Variants in CDK11A observed in about 807,000 individuals in gnomAD.
CDK11A encodes the protein cyclin dependent kinase 11A.
A neutral mutation model predicts 83.6 loss-of-function variants in CDK11A; 55 were observed. The ratio of observed to expected loss-of-function variants is 0.66; its 90% CI spans 0.53 to 0.82. The LOEUF (loss-of-function observed/expected upper bound fraction) is 0.82, where lower values mean the gene tolerates loss of function less well. Ranked by LOEUF, CDK11A falls within the 40% of genes least tolerant of loss-of-function variation. The pLI, the probability that CDK11A is intolerant of heterozygous loss-of-function variation, is 0.00. For synonymous variants in CDK11A, 247 were observed against 302.7 expected (o/e 0.82, Z 1.91); for missense variants, 564 against 810.1 (o/e 0.70, Z 3.69).
chr1:1,713,970 A>G lies in CDK11A; in HGVS notation c.489-1570T>C, dbSNP rs1471039222. ...ATGGTTCTTCTCTCTAAGCAGCTTGAGTATGCCACTCCACTGCCTTCTGGC... is the reference window on the plus strand; with the variant it reads ...ATGGTTCTTCTCTCTAAGCAGCTTGGGTATGCCACTCCACTGCCTTCTGGC... On this transcript the variant is annotated intron_variant, in intron 5 of 19. Coordinates refer to ENST00000404249, the MANE Select transcript of CDK11A (RefSeq NM_024011.4). Among the ~76,000 whole-genome samples, 2 of 41,280 alleles carry G rather than the reference A, an allele frequency of 4.8e-5. 1 individual carries two copies. Among genetic ancestry groups the G allele is most frequent in the African/African-American group, 7.8e-5 (2 of 25,552 alleles). The allele number at this position is 41,280 out of a possible 152,430, so 27.1% of individuals were successfully genotyped here. A position where few individuals can be genotyped will look rare whatever the true frequency, so the allele number is the denominator to read the frequency against.
intron 3 of CDK11A, among the ~76,000 whole-genome samples, chr1:1,720,254 C>T (rs904393951): frequency 3.3e-5 from 5 of 150,150 alleles, no homozygotes; most frequent in African/African-American, 4.9e-5. Flanking sequence ...ACCACCACGC[C>T]CGGCTAATTT....
chr1:1,704,870 C>CA lies in CDK11A; in HGVS notation c.1458+33dup, dbSNP rs567558972. ...ACGGGGCCCTGTCGGAAAAGCCTTCCACCCGGGGCCAGGCGTGGTGGGGCC... is the reference window on the plus strand; with the variant it reads ...ACGGGGCCCTGTCGGAAAAGCCTTCCAACCCGGGGCCAGGCGTGGTGGGGCC... On this transcript the variant is annotated intron_variant, in intron 13 of 19. Coordinates refer to ENST00000404249, the MANE Select transcript of CDK11A (RefSeq NM_024011.4). 3.1e-3 allele frequency: 4,953 copies of CA among 1,607,160 alleles called. 225 individuals carry two copies. The highest frequency in any genetic ancestry group is 3.8e-3 in the Non-Finnish European group (4,475 of 1,176,288).
chr1:1,708,428 G>GTCAGGAGT (rs1644403755), intron 9 of CDK11A, among the ~76,000 whole-genome samples, 183 bp from the exon 10 acceptor site: 1 of 149,274 alleles, frequency 6.7e-6, no homozygotes, highest in Non-Finnish European at 1.5e-5. Flanking sequence ...ATCACCTGAG[G>GTCAGGAGT]TCAGGAGTTC....
intron 3 of CDK11A, among the ~76,000 whole-genome samples, chr1:1,720,060 C>T (rs1644845771): frequency 6.6e-6 from 1 of 150,854 alleles, no homozygotes; most frequent in South Asian, 2.1e-4. Context: ...TGTAAAAATA[C>T]ATCACATCTT....
At chr1:1,721,464 G>A in intron 3 of CDK11A, 132 bp downstream of exon 3, 2 of 1,037,780 alleles carry the variant, frequency 1.9e-6, no homozygotes, top group Non-Finnish European at 2.7e-6. Context: ...AACACGCCCT[G>A]TCACGGTAAC....
chr1:1,706,474 G>C (rs1166014719), intron 11 of CDK11A, among the ~76,000 whole-genome samples: 1 of 151,284 alleles, frequency 6.6e-6, no homozygotes, highest in Non-Finnish European at 1.5e-5. Context: ...GTTTGAGCCT[G>C]GGAGGTGGAG....
At chr1:1,721,459 G>T in intron 3 of CDK11A, 137 bp downstream of exon 3, 1 of 946,056 alleles carries the variant, frequency 1.1e-6, no homozygotes, top group Non-Finnish European at 1.5e-6. Flanking sequence ...GCTACAACAC[G>T]CCCTGTCACG....
At position 1,704,763 on chromosome 1, in the gene CDK11A, G is replaced by A. The variant is rs147092243; in HGVS notation, c.1459-108C>T. The A allele has an allele frequency of 4.0e-3, 6,453 of 1,598,934 alleles. 385 individuals carry two copies. In the African/African-American group the frequency reaches 0.074, roughly 18 times the overall value. On this transcript the variant is annotated intron_variant, in intron 13 of 19. Transcript: ENST00000404249. ...TAAGGACCTCCGGTGCCACCCGGGAGGCAAATACTTGCTTCTGTGTGGTCT... is the reference window on the plus strand; with the variant it reads ...TAAGGACCTCCGGTGCCACCCGGGAAGCAAATACTTGCTTCTGTGTGGTCT...
chr1:1,719,478 T>G, intron 3 of CDK11A, 23 bp from the exon 4 acceptor site: 3 of 1,419,450 alleles, frequency 2.1e-6, no homozygotes, highest in Non-Finnish European at 2.8e-6. Context: ...ACAACAGCAC[T>G]GCGTCATGCT....
At chr1:1,706,566 G>A (rs17162876) in intron 11 of CDK11A, among the ~76,000 whole-genome samples, 2 of 150,660 alleles carry the variant, frequency 1.3e-5, no homozygotes, top group Admixed American at 6.6e-5. Flanking sequence ...AAGGCCATCC[G>A]GAGAGTCTCT....
chr1:1,718,756 C>G (rs2101315840), intron 4 of CDK11A, among the ~76,000 whole-genome samples: 1 of 150,564 alleles, frequency 6.6e-6, no homozygotes, highest in South Asian at 2.1e-4. Flanking sequence ...CCTGCCTCAG[C>G]CTCCAGAGCA....
rs376730176 is a variant in CDK11A at position 1,704,885 on chromosome 1, G to A, written c.1458+19C>T. On this transcript the variant is annotated intron_variant, in intron 13 of 19. Transcript: ENST00000404249. ...AAAAGCCTTCCACCCGGGGCCAGGCGTGGTGGGGCCATGCTCACTCTAACG... is the reference window on the plus strand; with the variant it reads ...AAAAGCCTTCCACCCGGGGCCAGGCATGGTGGGGCCATGCTCACTCTAACG... 7.0e-5 allele frequency: 112 copies of A among 1,606,104 alleles called. 7 individuals are homozygous for A. The highest frequency in any genetic ancestry group is 5.0e-4 in the Middle Eastern group (3 of 5,978).
At chr1:1,706,067 ACTCT>A (rs1390249757) in intron 11 of CDK11A, among the ~76,000 whole-genome samples, 2 of 149,692 alleles carry the variant, frequency 1.3e-5, no homozygotes, top group African/African-American at 2.5e-5. Flanking sequence ...ACATAGCAAC[ACTCT>A]GTTTTCTTTT....
At chr1:1,716,142 C>G (rs558543028) in intron 5 of CDK11A, among the ~76,000 whole-genome samples, 1 of 150,824 alleles carries the variant, frequency 6.6e-6, no homozygotes, top group Non-Finnish European at 1.5e-5. Flanking sequence ...AAATCACACC[C>G]GTTCTTACTT....
At chr1:1,722,510 G>C in intron 2 of CDK11A, 198 bp downstream of exon 2, 1 of 580,656 alleles carries the variant, frequency 1.7e-6, no homozygotes, top group Admixed American at 3.3e-5. Flanking sequence ...CTCCATGTAT[G>C]CTCAATCTAG....
intron 3 of CDK11A, among the ~76,000 whole-genome samples, chr1:1,720,155 G>A (rs1294455686): frequency 1.3e-5 from 2 of 150,316 alleles, no homozygotes; most frequent in East Asian, 2.0e-4. Flanking sequence ...GGGCAGTGGC[G>A]AGACTCTCGG....
intron 1 of CDK11A, among the ~76,000 whole-genome samples, chr1:1,723,512 A>G (rs1365124633): frequency 1.5e-5 from 1 of 68,332 alleles, no homozygotes; most frequent in African/African-American, 3.4e-5. Flanking sequence ...AAAAAAAAAA[A>G]AAAAAAAAAA....
rs1051015506 is a variant in CDK11A, at chr1:1,707,419, G to A, written c.1235C>T (p.Pro412Leu). The A allele has an allele frequency of 2.2e-5, 35 of 1,607,792 alleles. 3 individuals carry two copies. Among genetic ancestry groups the A allele is most frequent in the Non-Finnish European group, 2.7e-5 (32 of 1,176,094 alleles). Residue 412 changes from proline (P) to leucine (L), a missense_variant, in exon 11 of 20, where the codon CCG (proline) becomes CTG (leucine). Pro to Leu is a moderately conservative substitution (Grantham distance 98, BLOSUM62 -3). Coordinates refer to ENST00000404249, the MANE Select transcript of CDK11A (RefSeq NM_024011.4). ...ELKQELPKYL[P>L]ALQGCRSVEE... ...AGGGGAGGGCCTGACCTGCAGGGCC[G>A]GCAGGTACTTGGGCAGCTCCTGCTT...
intron 3 of CDK11A, among the ~76,000 whole-genome samples, chr1:1,720,270 G>C (rs1180258443): frequency 6.8e-6 from 1 of 148,040 alleles, no homozygotes; most frequent in African/African-American, 2.5e-5. Context: ...AATTTTTTTT[G>C]TATTTTTTAG....
Sources: allele counts gnomAD v4.1 joint callset (sites outside exome capture counted in the v4.1 genomes callset), GRCh38; gene constraint gnomAD v4.1.1; transcripts MANE v1.5; gene names NCBI Gene and HGNC (gene_info 2026-07-23, HGNC 2026-07-21).